MYH10: variants seen among roughly 807,000 people sequenced by gnomAD.
The protein encoded by MYH10 is myosin heavy chain 10.
MYH10 carries 55 observed loss-of-function variants against 257.8 expected under a neutral mutation model. The observed-to-expected ratio is 0.21, with a 90% CI of 0.17 to 0.27. The LOEUF is 0.27. Ranked by LOEUF, MYH10 falls within the 10% of genes least tolerant of loss-of-function variation. MYH10 has a pLI of 1.00. For missense variants in MYH10, 1,631 were observed against 2,500.6 expected, an observed-to-expected ratio of 0.65 and a Z score of 7.42; for synonymous variants, 854 against 921.7, an observed-to-expected ratio of 0.93 and a Z score of 1.33.
chr17:8,479,252 AC>A (rs1913245689), intron 40 of MYH10, among the ~76,000 whole-genome samples: 3 of 125,440 alleles, frequency 2.4e-5, no homozygotes. Flanking sequence ...CCAAAAACAA[AC>A]CCCCTACACT....
intron 24 of MYH10, among the ~76,000 whole-genome samples, chr17:8,511,617 GA>G (rs1481443752): frequency 6.6e-6 from 1 of 152,224 alleles, no homozygotes; most frequent in Non-Finnish European, 1.5e-5. Flanking sequence ...AAATGTTCAA[GA>G]GTAACTTCGG....
chr17:8,516,499 A>G lies in MYH10; in HGVS notation c.2504+2132T>C, dbSNP rs544693844. Among the ~76,000 whole-genome samples, 3 of 152,386 alleles carry G rather than the reference A, an allele frequency of 2.0e-5. No individual in the cohort carries two copies. The East Asian group carries it at 5.8e-4, about 29-fold the overall frequency. ...AAGGCAAAGGCATGCTGGCTTACAT[A>G]TAAGATTACATGGATTTGTTAGCTT... On this transcript the variant is annotated intron_variant, in intron 21 of 42. Transcript: ENST00000360416.
chr17:8,488,354 C>T (rs1458482756), intron 35 of MYH10, among the ~76,000 whole-genome samples: 1 of 152,256 alleles, frequency 6.6e-6, no homozygotes, highest in South Asian at 2.1e-4. Flanking sequence ...TGATGAGGAC[C>T]AGACACAGAG....
chr17:8,557,674 G>C lies in MYH10; in HGVS notation c.757-3656C>G, dbSNP rs980164417. Among the ~76,000 whole-genome samples the C allele has an allele frequency of 2.6e-5, 4 of 152,200 alleles. No individual in the cohort carries two copies. The East Asian group carries it at 7.7e-4, about 29-fold the overall frequency. On this transcript the variant is annotated intron_variant, in intron 7 of 42. Transcript: ENST00000360416. ...TGCCACTAAACCACGGAGTGTTCAAGAGGGAGTTGGAGTAAGAAGCAAAGG... is the reference window on the plus strand; with the variant it reads ...TGCCACTAAACCACGGAGTGTTCAACAGGGAGTTGGAGTAAGAAGCAAAGG...
At chr17:8,543,923 G>T (rs1051338684) in intron 13 of MYH10, among the ~76,000 whole-genome samples, 1 of 152,124 alleles carries the variant, frequency 6.6e-6, no homozygotes, top group East Asian at 1.9e-4. Context: ...AAACTTACTT[G>T]TTCTCCCTAT....
At chr17:8,619,596 C>G (rs932090054) in intron 2 of MYH10, among the ~76,000 whole-genome samples, 2 of 152,070 alleles carry the variant, frequency 1.3e-5, no homozygotes, top group African/African-American at 4.8e-5. Flanking sequence ...AAAGGCTACA[C>G]ACTATGAGAT....
chr17:8,518,117 G>GTGTA (rs2151896891), intron 21 of MYH10, among the ~76,000 whole-genome samples: 1 of 149,194 alleles, frequency 6.7e-6, no homozygotes, highest in African/African-American at 2.5e-5. Context: ...GTGTGTGTGT[G>GTGTA]TGTGTGTGTG....
chr17:8,563,419 C>A (rs372287358), intron 7 of MYH10, among the ~76,000 whole-genome samples: 1 of 152,102 alleles, frequency 6.6e-6, no homozygotes. Flanking sequence ...AAGATAAATA[C>A]ATAAATAAAA....
rs1034953771 is a variant in MYH10 at position 8,490,320 on chromosome 17, G to A, written c.4884+20C>T. 1 of 1,610,768 alleles carries A rather than the reference G, an allele frequency of 6.2e-7. No individual in the cohort carries two copies. The highest frequency in any genetic ancestry group is 8.5e-7 in the Non-Finnish European group (1 of 1,179,232). ...GAGAGCCTGCACCCCTTGTTGTGGAGGCCGCACCCTCTGCCCTACCTGTTT... is the reference window on the plus strand; with the variant it reads ...GAGAGCCTGCACCCCTTGTTGTGGAAGCCGCACCCTCTGCCCTACCTGTTT... On this transcript the variant is annotated intron_variant, in intron 35 of 42. Coordinates refer to ENST00000360416, the MANE Select transcript of MYH10 (RefSeq NM_001256012.3). This position sits in a 1 kb window ranked among gnomAD's most constrained non-coding sequence, Gnocchi z 4.1.
At chr17:8,521,330 C>A in intron 17 of MYH10, 45 bp from the exon 18 acceptor site, 2 of 1,577,480 alleles carry the variant, frequency 1.3e-6, no homozygotes, top group South Asian at 2.2e-5. Flanking sequence ...AAACCTCACT[C>A]GTTAGCAGGG....
In MYH10 at chr17:8,484,365, G is replaced by A. The variant is rs191818970; in HGVS notation, c.5047-99C>T. On this transcript the variant is annotated intron_variant, in intron 36 of 42. Transcript: ENST00000360416. ...GAGCCCTGGCTGTGTTGCCCAGGCTGATCTCAAACTCAAGGCCTCAAGCAT... is the reference window on the plus strand; with the variant it reads ...GAGCCCTGGCTGTGTTGCCCAGGCTAATCTCAAACTCAAGGCCTCAAGCAT... 5 of 1,185,970 alleles carry A rather than the reference G, an allele frequency of 4.2e-6. No homozygotes were observed. In the African/African-American group the frequency reaches 6.3e-5, roughly 15 times the overall value. The allele number at this position is 1,185,970 out of a possible 1,614,324, so 73.5% of individuals were successfully genotyped here. A position where few individuals can be genotyped will look rare whatever the true frequency, so the allele number is the denominator to read the frequency against.
chr17:8,513,018 A>G (rs2065297309), intron 23 of MYH10, among the ~76,000 whole-genome samples: 1 of 152,186 alleles, frequency 6.6e-6, no homozygotes, highest in Non-Finnish European at 1.5e-5. Context: ...CTTGGCCTTT[A>G]TTGTTAATAT....
chr17:8,546,968 G>GC (rs2082465023), intron 11 of MYH10, among the ~76,000 whole-genome samples: 2 of 152,112 alleles, frequency 1.3e-5, no homozygotes, highest in Admixed American at 1.3e-4. Context: ...CTATTCACAG[G>GC]CATGATCTCA....
At chr17:8,561,488 G>A (rs1014180912) in intron 7 of MYH10, 21 of 1,424,818 alleles carry the variant, frequency 1.5e-5, no homozygotes, top group Non-Finnish European at 1.9e-5. Context: ...GTCAGGAATC[G>A]ATCTCGTGAA....
chr17:8,476,709 C>A (rs534668722), intron 42 of MYH10, among the ~76,000 whole-genome samples, 167 bp downstream of exon 42: 1 of 152,244 alleles, frequency 6.6e-6, no homozygotes, highest in African/African-American at 2.4e-5. Context: ...CTTTTATTCT[C>A]CCCAAGGACG....
intron 40 of MYH10, 144 bp from the exon 41 acceptor site, chr17:8,478,590 G>A (rs1011647746): frequency 5.7e-6 from 4 of 706,354 alleles, no homozygotes; most frequent in Middle Eastern, 2.6e-4. Flanking sequence ...CATGACTAAT[G>A]TGCTGAAACC....
intron 4 of MYH10, among the ~76,000 whole-genome samples, chr17:8,583,595 A>G (rs570218329): frequency 6.6e-6 from 1 of 152,338 alleles, no homozygotes; most frequent in South Asian, 2.1e-4. Flanking sequence ...CCAGAGTTCT[A>G]TCTGACCACA....
chr17:8,535,932 CTGATAA>C lies in MYH10; in HGVS notation c.1606-7_1606-2del. ...GGGCCAGTACACCAGGAGGGTTCGC[CTGATAA>C]TGACAGGCAATAAGAATTCACAAGT... is the stretch of plus-strand genomic sequence containing the variant. On this transcript the variant is annotated splice_acceptor_variant and splice_polypyrimidine_tract_variant and intron_variant, in intron 14 of 42. Transcript: ENST00000360416. LOFTEE classifies it high-confidence loss of function. This position sits in a 1 kb window ranked among gnomAD's most constrained non-coding sequence, Gnocchi z 4.3. 2.5e-6 allele frequency: 4 copies of C among 1,610,954 alleles called. No individual in the cohort carries two copies. Among genetic ancestry groups the C allele is most frequent in the Non-Finnish European group, 3.4e-6 (4 of 1,178,334 alleles).
chr17:8,536,528 T>A (rs942155303), intron 14 of MYH10, among the ~76,000 whole-genome samples: 1 of 152,142 alleles, frequency 6.6e-6, no homozygotes, highest in African/African-American at 2.4e-5. Flanking sequence ...TGTGATGCAA[T>A]TATTACTTCA....
Sources: allele counts gnomAD v4.1 joint callset (sites outside exome capture counted in the v4.1 genomes callset), GRCh38; gene constraint gnomAD v4.1.1; non-coding constraint Gnocchi (gnomAD v3.1); transcripts MANE v1.5; gene names NCBI Gene and HGNC (gene_info 2026-07-23, HGNC 2026-07-21).